Variants in CACNA1B observed in about 807,000 individuals in gnomAD.
CACNA1B encodes the protein calcium voltage-gated channel subunit alpha1 B.
Under a neutral mutation model 247.2 loss-of-function variants are expected in CACNA1B, and 70 were observed. That is an observed-to-expected ratio of 0.28 (90% CI 0.23 to 0.35). The LOEUF (loss-of-function observed/expected upper bound fraction) is 0.35, where lower values mean the gene tolerates loss of function less well. Ranked by LOEUF, CACNA1B falls within the 10% of genes least tolerant of loss-of-function variation. The pLI is 1.00. For missense variants in CACNA1B, 2,367 were observed against 3,197.4 expected (o/e 0.74, Z 6.26); for synonymous variants, 1,231 against 1,294.4 (o/e 0.95, Z 1.05).
intron 18 of CACNA1B, chr9:138,017,084 A>C: frequency 3.9e-6 from 2 of 512,490 alleles, no homozygotes; most frequent in Non-Finnish European, 7.8e-6. Flanking sequence ...TGGTTCTCTC[A>C]GAACTCTGTC....
chr9:137,954,901 A>AGG lies in CACNA1B; in HGVS notation c.1071-793_1071-792dup, dbSNP rs1461463093. Among the ~76,000 whole-genome samples, 1 of 118,622 alleles carries AGG rather than the reference A, an allele frequency of 8.4e-6. No homozygotes were observed. The highest frequency in any genetic ancestry group is 7.7e-5 in the Admixed American group (1 of 13,026). 77.8% of individuals were successfully genotyped at this position (118,622 alleles called of 152,430 possible). ...GTGTGAGAGAGAGAGAGAGAGAGAG[A>AGG]GGGGGAGAGAGAGAGAGAGAGAATG... On this transcript the variant is annotated intron_variant, in intron 7 of 46. Transcript: ENST00000371372. This position sits in a 1 kb window ranked among gnomAD's most constrained non-coding sequence, Gnocchi z 4.1.
intron 36 of CACNA1B, among the ~76,000 whole-genome samples, chr9:138,079,298 C>T (rs1960433678): frequency 6.6e-6 from 1 of 152,110 alleles, no homozygotes; most frequent in Non-Finnish European, 1.5e-5. Flanking sequence ...GACTCTACCC[C>T]AAGGGCATTG....
chr9:137,960,212 GA>G (rs2133349596), intron 10 of CACNA1B, among the ~76,000 whole-genome samples: 3 of 38,056 alleles, frequency 7.9e-5, no homozygotes, highest in Non-Finnish European at 1.8e-4. Context: ...GAGGGGGAGG[GA>G]AGGTCGGCCG....
intron 3 of CACNA1B, among the ~76,000 whole-genome samples, chr9:137,894,395 G>A (rs555546633): frequency 1.4e-5 from 2 of 142,068 alleles, no homozygotes; most frequent in South Asian, 4.5e-4. Context: ...GTCTTTTCAT[G>A]TGGTTCTCTG....
In CACNA1B at chr9:138,057,941, C is replaced by G; in HGVS notation, c.4106+72C>G. On this transcript the variant is annotated intron_variant, in intron 27 of 46. Coordinates refer to ENST00000371372, the MANE Select transcript of CACNA1B (RefSeq NM_000718.4). The surrounding 1 kb of genome is among the most constrained non-coding windows in gnomAD (Gnocchi z 4.0). ...GCTCGGCCTCCCTTCCTCCCTCTAT[C>G]CCTGGGCTCAGGCATGGAAGCAGAC... 1 of 1,573,344 alleles carries G rather than the reference C, an allele frequency of 6.4e-7. No homozygotes were observed. The highest frequency in any genetic ancestry group is 8.7e-7 in the Non-Finnish European group (1 of 1,148,466).
chr9:137,950,101 C>G lies in CACNA1B; in HGVS notation c.967-2173C>G, dbSNP rs770788405. ...GCTGCTGTCTTGTTGCCGGTGAGTG[C>G]AGAAGTCTAGGTTCCCCACTTGGCA... On this transcript the variant is annotated intron_variant, in intron 6 of 46. Transcript: ENST00000371372. This position sits in a 1 kb window ranked among gnomAD's most constrained non-coding sequence, Gnocchi z 4.8. Among the ~76,000 whole-genome samples the G allele has an allele frequency of 2.0e-5, 3 of 152,190 alleles. No individual in the cohort carries two copies. The highest frequency in any genetic ancestry group is 7.2e-5 in the African/African-American group (3 of 41,438).
At chr9:137,979,152 C>T (rs1958264202) in intron 12 of CACNA1B, among the ~76,000 whole-genome samples, 1 of 152,192 alleles carries the variant, frequency 6.6e-6, no homozygotes, top group Admixed American at 6.5e-5. Context: ...CACTTAGCAG[C>T]TTTAAACTAC....
In CACNA1B at chr9:138,102,918, GC is replaced by G. The variant is rs1214908059; in HGVS notation, c.5319+113del. The G allele has an allele frequency of 7.6e-6, 5 of 655,004 alleles. No homozygotes were observed. 40.6% of individuals were successfully genotyped at this position (655,004 alleles called of 1,614,324 possible). On this transcript the variant is annotated intron_variant, in intron 38 of 46. Coordinates refer to ENST00000371372, the MANE Select transcript of CACNA1B (RefSeq NM_000718.4). This position sits in a 1 kb window ranked among gnomAD's most constrained non-coding sequence, Gnocchi z 5.4. ...TTTCAGGGTGCCCGGCTGTCTGTCT[GC>G]CGCTCTGCTGTGCGCCCCCGGCTGC...
chr9:137,953,989 G>A (rs1349170253), intron 7 of CACNA1B, among the ~76,000 whole-genome samples: 1 of 152,178 alleles, frequency 6.6e-6, no homozygotes, highest in Non-Finnish European at 1.5e-5. Flanking sequence ...GCTTCCTTCT[G>A]CATCCCTCTA....
At chr9:138,049,419 C>T (rs776028830) in intron 24 of CACNA1B, 104 bp downstream of exon 24, 34 of 772,384 alleles carry the variant, frequency 4.4e-5, no homozygotes, top group Middle Eastern at 5.9e-4. Flanking sequence ...CTTCCCTGGG[C>T]TGCCTGTGGC....
intron 15 of CACNA1B, among the ~76,000 whole-genome samples, chr9:137,995,810 G>T (rs1958493016): frequency 6.6e-6 from 1 of 152,112 alleles, no homozygotes; most frequent in South Asian, 2.1e-4. Context: ...AATCTGCAAA[G>T]AACTCAAATC....
Position 137,880,665 on chromosome 9 carries a change from G to T in CACNA1B, c.390+1506G>T, listed in dbSNP as rs963426220. 6.6e-6 allele frequency among the ~76,000 whole-genome samples: 1 copy of T among 152,174 alleles called. No homozygotes were observed. The highest frequency in any genetic ancestry group is 1.5e-5 in the Non-Finnish European group (1 of 68,014). ...TAGGAGTGGCGAGCTAACCTGTTGG[G>T]AAAACTGCAGAACATGCCCGCCCTG... On this transcript the variant is annotated intron_variant, in intron 2 of 46. Coordinates refer to ENST00000371372, the MANE Select transcript of CACNA1B (RefSeq NM_000718.4). The surrounding 1 kb of genome is among the most constrained non-coding windows in gnomAD (Gnocchi z 4.8).
In CACNA1B at chr9:138,052,518, A is replaced by G. The variant is rs1200732570; in HGVS notation, c.3807+330A>G. ...ATGCTGGAGGTGAGGGGCTTGGGAC[A>G]TTGGCTGCTGAGAGGGGGACAGGCA... is the stretch of plus-strand genomic sequence containing the variant. On this transcript the variant is annotated intron_variant, in intron 25 of 46. Transcript: ENST00000371372. This position sits in a 1 kb window ranked among gnomAD's most constrained non-coding sequence, Gnocchi z 5.1. Among the ~76,000 whole-genome samples, 1 of 152,114 alleles carries G rather than the reference A, an allele frequency of 6.6e-6. No individual in the cohort carries two copies. Among genetic ancestry groups the G allele is most frequent in the Non-Finnish European group, 1.5e-5 (1 of 68,014 alleles).
intron 21 of CACNA1B, among the ~76,000 whole-genome samples, chr9:138,045,115 G>T (rs1167194335): frequency 6.6e-6 from 1 of 152,232 alleles, no homozygotes; most frequent in Admixed American, 6.5e-5. Flanking sequence ...GAGGGGAGAG[G>T]GGAGGAACTA....
chr9:137,942,591 A>G (rs2133320991), intron 6 of CACNA1B, among the ~76,000 whole-genome samples: 1 of 152,368 alleles, frequency 6.6e-6, no homozygotes, highest in South Asian at 2.1e-4. Flanking sequence ...TCAGTCAACC[A>G]GTGGATAAAG....
chr9:137,980,117 A>G (rs1958277085), intron 12 of CACNA1B, among the ~76,000 whole-genome samples: 1 of 152,204 alleles, frequency 6.6e-6, no homozygotes. Flanking sequence ...GAATTTTGGG[A>G]ATCTAAAGAC....
intron 15 of CACNA1B, among the ~76,000 whole-genome samples, chr9:138,000,248 G>A (rs866014189): frequency 3.0e-4 from 45 of 152,010 alleles, no homozygotes; most frequent in Middle Eastern, 3.4e-3. Flanking sequence ...ACAGGCGCCC[G>A]CCACTACGCC....
At chr9:138,086,133 A>G (rs1361652449) in intron 36 of CACNA1B, among the ~76,000 whole-genome samples, 2 of 151,338 alleles carry the variant, frequency 1.3e-5, no homozygotes, top group Admixed American at 6.6e-5. Context: ...TCCTACCTAT[A>G]AATGATAACC....
chr9:137,924,671 A>T (rs758534296), intron 6 of CACNA1B, among the ~76,000 whole-genome samples: 2 of 152,126 alleles, frequency 1.3e-5, no homozygotes, highest in African/African-American at 4.8e-5. Context: ...AGAACATGTT[A>T]TTTCTCTTCA....
Sources: allele counts gnomAD v4.1 joint callset (sites outside exome capture counted in the v4.1 genomes callset), GRCh38; gene constraint gnomAD v4.1.1; non-coding constraint Gnocchi (gnomAD v3.1); transcripts MANE v1.5; gene names NCBI Gene and HGNC (gene_info 2026-07-23, HGNC 2026-07-21).